Variants in CUL5 observed in about 807,000 individuals in gnomAD.
The protein encoded by CUL5 is cullin-5.
In CUL5, 26 loss-of-function variants were observed where a neutral mutation model predicts 108.8. The observed-to-expected ratio is 0.24, with a 90% CI of 0.18 to 0.33. CUL5 has a LOEUF of 0.33. CUL5 is among the 10% of genes least tolerant of loss of function. The pLI is 1.00. For missense variants in CUL5, 524 were observed against 909.2 expected (o/e 0.58, Z 5.45); for synonymous variants, 334 against 298.0 (o/e 1.12, Z -1.25).
intron 3 of CUL5, 126 bp from the exon 4 acceptor site, chr11:108,049,762 TTC>T: frequency 2.9e-6 from 2 of 701,416 alleles, no homozygotes; most frequent in Non-Finnish European, 4.7e-6. Context: ...ATGTTTTAAT[TTC>T]TTTTGGATAT....
intron 7 of CUL5, among the ~76,000 whole-genome samples, chr11:108,055,614 A>AAT (rs150760318): frequency 0.019 from 2,722 of 144,568 alleles, 93 homozygotes; most frequent in African/African-American, 0.065. Flanking sequence ...CTGACTAATA[A>AAT]ATATATATAT....
At chr11:108,045,268 C>G (rs1863037955) in intron 2 of CUL5, among the ~76,000 whole-genome samples, 1 of 152,054 alleles carries the variant, frequency 6.6e-6, no homozygotes, top group Admixed American at 6.6e-5. Context: ...TATGGGGAAG[C>G]TAGGAGATAT....
At chr11:108,030,070 G>A (rs2135077718) in intron 1 of CUL5, among the ~76,000 whole-genome samples, 1 of 151,996 alleles carries the variant, frequency 6.6e-6, no homozygotes, top group South Asian at 2.1e-4. Flanking sequence ...TTCCTCATAG[G>A]GAAGAATAAA....
intron 13 of CUL5, among the ~76,000 whole-genome samples, chr11:108,091,535 A>T (rs983729027): frequency 5.9e-5 from 9 of 151,868 alleles, no homozygotes; most frequent in Admixed American, 2.0e-4. Context: ...ACAAAAATTT[A>T]AAAAATTAGC....
chr11:108,098,264 A>AT, intron 17 of CUL5, 142 bp from the exon 18 acceptor site: 1 of 660,134 alleles, frequency 1.5e-6, no homozygotes, highest in Non-Finnish European at 2.4e-6. Context: ...TTAAAGCAAT[A>AT]TGTAGGTTAT....
rs143051340 is a variant in CUL5 at position 108,030,687 on chromosome 11, G to A, written c.25-3115G>A. ...AGTGTGATAGAAGCAGGCATCTGGAGCAAGACAGTATATTAACTTTTAGGA... is the reference window on the plus strand; with the variant it reads ...AGTGTGATAGAAGCAGGCATCTGGAACAAGACAGTATATTAACTTTTAGGA... On this transcript the variant is annotated intron_variant, in intron 1 of 18. Coordinates refer to ENST00000393094, the MANE Select transcript of CUL5 (RefSeq NM_003478.6). Among the ~76,000 whole-genome samples the A allele has an allele frequency of 3.2e-3, 492 of 152,288 alleles. 1 individual carries two copies. Among genetic ancestry groups the A allele is most frequent in the Non-Finnish European group, 5.0e-3 (343 of 68,030 alleles).
chr11:108,018,621 G>T (rs1382047287), intron 1 of CUL5, among the ~76,000 whole-genome samples: 1 of 152,138 alleles, frequency 6.6e-6, no homozygotes, highest in Non-Finnish European at 1.5e-5. Flanking sequence ...GTTGCAGGGA[G>T]CCGAGATCAC....
chr11:108,059,923 C>G (rs529123979), intron 7 of CUL5, among the ~76,000 whole-genome samples: 1 of 151,488 alleles, frequency 6.6e-6, no homozygotes, highest in East Asian at 1.9e-4. Context: ...TTTGTATTAG[C>G]AGAATTAAAT....
At chr11:108,097,309 C>T (rs552781261) in intron 16 of CUL5, among the ~76,000 whole-genome samples, 63 of 152,364 alleles carry the variant, frequency 4.1e-4, no homozygotes, top group Middle Eastern at 3.4e-3. Context: ...AGCCACTGCA[C>T]TTGGCCTGAA....
At chr11:108,020,387 G>T (rs577314911) in intron 1 of CUL5, among the ~76,000 whole-genome samples, 1 of 152,122 alleles carries the variant, frequency 6.6e-6, no homozygotes, top group Non-Finnish European at 1.5e-5. Flanking sequence ...TGATGATCCT[G>T]ACCCTGTGGA....
At chr11:108,013,588 T>G (rs1862109212) in intron 1 of CUL5, among the ~76,000 whole-genome samples, 1 of 152,204 alleles carries the variant, frequency 6.6e-6, no homozygotes, top group Admixed American at 6.5e-5. Context: ...TAACTAACTC[T>G]TAACTTTCAT....
chr11:108,088,722 A>G (rs964059143), intron 12 of CUL5, 63 bp downstream of exon 12: 1 of 1,326,462 alleles, frequency 7.5e-7, no homozygotes, highest in Admixed American at 2.6e-5. Context: ...TGTTTTGCTT[A>G]TAGGACTTTC....
At chr11:108,101,891 C>T (rs1390026493) in intron 18 of CUL5, among the ~76,000 whole-genome samples, 1 of 151,980 alleles carries the variant, frequency 6.6e-6, no homozygotes, top group Non-Finnish European at 1.5e-5. Flanking sequence ...TTTCCTTCTT[C>T]CTTCTTCCTC....
chr11:108,045,212 T>C lies in CUL5; in HGVS notation c.135-1058T>C, dbSNP rs191917683. 1.2e-3 allele frequency among the ~76,000 whole-genome samples: 183 copies of C among 152,360 alleles called. 1 individual carries two copies. Among genetic ancestry groups the C allele is most frequent in the African/African-American group, 4.2e-3 (176 of 41,576 alleles). ...ATTTATGATAGCTTTTGTTTTTGTTTTTTTGTTTAAAGGAGAAACAGTAAT... is the reference window on the plus strand; with the variant it reads ...ATTTATGATAGCTTTTGTTTTTGTTCTTTTGTTTAAAGGAGAAACAGTAAT... On this transcript the variant is annotated intron_variant, in intron 2 of 18. Coordinates refer to ENST00000393094, the MANE Select transcript of CUL5 (RefSeq NM_003478.6).
intron 7 of CUL5, among the ~76,000 whole-genome samples, chr11:108,057,542 A>T (rs1863416486): frequency 6.6e-6 from 1 of 152,206 alleles, no homozygotes; most frequent in African/African-American, 2.4e-5. Flanking sequence ...AAAAATGTGT[A>T]ATCTTACTGT....
At chr11:108,014,846 T>A (rs1862140088) in intron 1 of CUL5, among the ~76,000 whole-genome samples, 1 of 152,206 alleles carries the variant, frequency 6.6e-6, no homozygotes, top group Non-Finnish European at 1.5e-5. Context: ...GTACTATGAA[T>A]AAAAACAACC....
intron 2 of CUL5, among the ~76,000 whole-genome samples, chr11:108,045,978 G>C (rs1863057792): frequency 6.6e-6 from 1 of 152,196 alleles, no homozygotes. Context: ...AATATTAATA[G>C]CAGTTAACTT....
At chr11:108,010,453 T>G (rs1453020656) in intron 1 of CUL5, among the ~76,000 whole-genome samples, 1 of 152,184 alleles carries the variant, frequency 6.6e-6, no homozygotes, top group African/African-American at 2.4e-5. Flanking sequence ...AGAACAAATT[T>G]TACTAAGAGG....
At chr11:108,061,076 T>G (rs577473693) in intron 7 of CUL5, among the ~76,000 whole-genome samples, 1 of 152,308 alleles carries the variant, frequency 6.6e-6, no homozygotes, top group Non-Finnish European at 1.5e-5. Context: ...TTAGAAGTTG[T>G]GCTCATCTCA....
Sources: gnomAD v4.1 joint callset for allele counts (sites outside exome capture counted in the v4.1 genomes callset) on GRCh38, gnomAD v4.1.1 for gene constraint, MANE v1.5 for transcripts, NCBI Gene and HGNC (gene_info 2026-07-23, HGNC 2026-07-21) for gene names.